Variants in RAD54B observed in about 807,000 individuals in gnomAD.
RAD54B encodes the protein RAD54 homolog B.
In RAD54B, 78 loss-of-function variants were observed where a neutral mutation model predicts 95.8. That is an observed-to-expected ratio of 0.81 (90% CI 0.68 to 0.98). The LOEUF (loss-of-function observed/expected upper bound fraction) is 0.98, where lower values mean the gene tolerates loss of function less well. RAD54B is among the 50% of genes least tolerant of loss of function. The pLI, the probability that RAD54B is intolerant of heterozygous loss-of-function variation, is 0.00. For synonymous variants in RAD54B, 328 were observed against 354.9 expected, an observed-to-expected ratio of 0.92 and a Z score of 0.85; for missense variants, 957 against 1,056.6, an observed-to-expected ratio of 0.91 and a Z score of 1.31.
intron 3 of RAD54B, among the ~76,000 whole-genome samples, chr8:94,450,052 T>C (rs1812617804): frequency 6.6e-6 from 1 of 152,166 alleles, no homozygotes; most frequent in Non-Finnish European, 1.5e-5. Flanking sequence ...AAAACCTAAT[T>C]TATTCCCTGA....
intron 4 of RAD54B, 123 bp from the exon 5 acceptor site, chr8:94,407,843 G>T: frequency 3.2e-6 from 2 of 631,960 alleles, no homozygotes; most frequent in South Asian, 7.9e-5. Flanking sequence ...TAGCCAAAAT[G>T]GAAGCATAAT....
intron 3 of RAD54B, among the ~76,000 whole-genome samples, chr8:94,445,186 C>G (rs1238920656): frequency 6.6e-6 from 1 of 152,092 alleles, no homozygotes; most frequent in African/African-American, 2.4e-5. Flanking sequence ...AGTATGTCGT[C>G]ACATGGTAGA....
At chr8:94,395,898 C>G (rs1811131707) in intron 8 of RAD54B, among the ~76,000 whole-genome samples, 1 of 152,128 alleles carries the variant, frequency 6.6e-6, no homozygotes, top group Admixed American at 6.6e-5. Flanking sequence ...GTAGCCTGGC[C>G]TACCTTTAGA....
intron 3 of RAD54B, chr8:94,431,026 T>G (rs931487943): frequency 2.0e-6 from 2 of 985,234 alleles, no homozygotes; most frequent in Admixed American, 6.2e-5. Context: ...CTGCTGAAAT[T>G]ACACCCACCC....
intron 14 of RAD54B, among the ~76,000 whole-genome samples, chr8:94,376,704 T>C (rs1369896159): frequency 2.0e-5 from 3 of 148,886 alleles, no homozygotes; most frequent in Non-Finnish European, 4.5e-5. Context: ...TAATTATATA[T>C]TGTGCATGAT....
intron 1 of RAD54B, chr8:94,468,146 C>A (rs1028797595): frequency 6.6e-6 from 1 of 152,194 alleles, no homozygotes; most frequent in Non-Finnish European, 1.5e-5. Context: ...GCCCCCACTT[C>A]AAGATGTCTC....
intron 13 of RAD54B, 33 bp downstream of exon 13, chr8:94,378,535 G>C (rs922698256): frequency 6.5e-7 from 1 of 1,535,302 alleles, no homozygotes; most frequent in Middle Eastern, 1.7e-4. Flanking sequence ...TATTCAAAGA[G>C]TATACATTTT....
At position 94,436,885 on chromosome 8, in the gene RAD54B, A is replaced by G. The variant is rs116670995; in HGVS notation, c.304+21383T>C. On this transcript the variant is annotated intron_variant, in intron 3 of 14. Coordinates refer to ENST00000336148, the MANE Select transcript of RAD54B (RefSeq NM_012415.3). ...TCCTACCATTGTTCTTTTCAAATTA[A>G]GTAGGCAGTTTCTGAAACCACCATG... 1.0e-3 allele frequency: 1,525 copies of G among 1,494,098 alleles called. 8 individuals are homozygous for G. In the African/African-American group the frequency reaches 0.019, roughly 19 times the overall value. The allele number at this position is 1,494,098 out of a possible 1,614,324, so 92.6% of individuals were successfully genotyped here. A position where few individuals can be genotyped will look rare whatever the true frequency, so the allele number is the denominator to read the frequency against.
At chr8:94,383,675 T>C (rs113826175) in intron 11 of RAD54B, among the ~76,000 whole-genome samples, 9 of 152,224 alleles carry the variant, frequency 5.9e-5, no homozygotes, top group African/African-American at 1.9e-4. Context: ...GGCTTGGTAG[T>C]ATCTGTGGTT....
chr8:94,383,019 G>A (rs765795992), intron 11 of RAD54B, among the ~76,000 whole-genome samples: 35 of 152,040 alleles, frequency 2.3e-4, no homozygotes, highest in Non-Finnish European at 4.1e-4. Context: ...CCAGGATGCC[G>A]GGCACTGTGG....
chr8:94,426,038 T>C (rs1811934421), intron 3 of RAD54B, among the ~76,000 whole-genome samples: 1 of 152,112 alleles, frequency 6.6e-6, no homozygotes, highest in African/African-American at 2.4e-5. Context: ...CTGCAACCTC[T>C]GCCTCCCAGA....
At chr8:94,471,107 C>G (rs562719725) in intron 1 of RAD54B, among the ~76,000 whole-genome samples, 8 of 152,134 alleles carry the variant, frequency 5.3e-5, no homozygotes, top group African/African-American at 1.9e-4. Flanking sequence ...ATATGCACTA[C>G]CCAAGCACTT....
chr8:94,409,012 T>C (rs79042238), intron 4 of RAD54B, among the ~76,000 whole-genome samples: 2 of 151,976 alleles, frequency 1.3e-5, no homozygotes, highest in South Asian at 2.1e-4. Flanking sequence ...TTTTTTTTTT[T>C]CCTAGGTATT....
At chr8:94,399,956 G>A (rs970694431) in intron 7 of RAD54B, among the ~76,000 whole-genome samples, 2 of 152,012 alleles carry the variant, frequency 1.3e-5, no homozygotes, top group Non-Finnish European at 2.9e-5. Context: ...CTCTGGTTAC[G>A]GAGGCACTAA....
chr8:94,461,306 G>A (rs556894589), intron 2 of RAD54B, among the ~76,000 whole-genome samples: 85 of 150,994 alleles, frequency 5.6e-4, no homozygotes, highest in African/African-American at 1.9e-3. Context: ...CCGAGTAGCT[G>A]AGATTACAGG....
chr8:94,442,054 T>C (rs1463163949), intron 3 of RAD54B, among the ~76,000 whole-genome samples: 1 of 152,254 alleles, frequency 6.6e-6, no homozygotes, highest in East Asian at 1.9e-4. Context: ...TGGAATATTA[T>C]TTGGTTATAA....
chr8:94,415,064 T>A (rs1459380388), intron 3 of RAD54B, among the ~76,000 whole-genome samples: 1 of 151,384 alleles, frequency 6.6e-6, no homozygotes, highest in Non-Finnish European at 1.5e-5. Context: ...GCCAAGTCAA[T>A]CCTGAGCCAA....
At position 94,467,520 on chromosome 8, in the gene RAD54B, G is replaced by C. The variant is rs1221124501; in HGVS notation, c.20C>G (p.Pro7Arg). Residue 7 changes from proline to arginine, a missense_variant, in exon 2 of 15, where the codon CCA becomes CGA. Transcript: ENST00000336148. ...GAAGGAATTCCCCTGCAACTGACTT[G>C]GTGCTGCAGATCGTCTCATATTCAG... MRRSAA[P>R]SQLQGNSFKK... 1.9e-6 allele frequency: 3 copies of C among 1,612,952 alleles called. No individual in the cohort carries two copies. The highest frequency in any genetic ancestry group is 2.5e-6 in the Non-Finnish European group (3 of 1,179,898).
chr8:94,387,396 C>T (rs750809642), intron 10 of RAD54B: 1 of 329,964 alleles, frequency 3.0e-6, no homozygotes, highest in Non-Finnish European at 5.4e-6. Context: ...CTACCTTCAC[C>T]CTGCAAGTGT....
Sources: gnomAD v4.1 joint callset for allele counts (sites outside exome capture counted in the v4.1 genomes callset) on GRCh38, gnomAD v4.1.1 for gene constraint, MANE v1.5 for transcripts, NCBI Gene and HGNC (gene_info 2026-07-23, HGNC 2026-07-21) for gene names.